Variants in ZEB1 observed in about 807,000 individuals in gnomAD.
ZEB1 encodes zinc finger E-box binding homeobox 1.
Under a neutral mutation model 84.9 loss-of-function variants are expected in ZEB1, and 21 were observed. That is an observed-to-expected ratio of 0.25 (90% confidence interval 0.18 to 0.36). The LOEUF is 0.36. Among genes scored for constraint, ZEB1 ranks in the 10% least tolerant of loss-of-function variants. The pLI is 1.00. For missense variants in ZEB1, 1,104 were observed against 1,330.2 expected, an observed-to-expected ratio of 0.83 and a Z score of 2.65; for synonymous variants, 420 against 471.1, an observed-to-expected ratio of 0.89 and a Z score of 1.41.
intron 2 of ZEB1, among the ~76,000 whole-genome samples, chr10:31,469,386 A>T (rs2062871940): frequency 6.6e-6 from 1 of 152,204 alleles, no homozygotes; most frequent in Non-Finnish European, 1.5e-5. Flanking sequence ...AGGGTGAGGC[A>T]TTGCCTCACT....
At position 31,319,365 on chromosome 10, in the gene ZEB1, G is replaced by A. The variant is rs966890759; in HGVS notation, c.58+73G>A. On this transcript the variant is annotated intron_variant, in intron 1 of 8. Coordinates refer to ENST00000424869, the MANE Select transcript of ZEB1 (RefSeq NM_001174096.2). ...GCAGCCGGGGCGCCCCCGGGGGTGAGGGGGGCGAGCCGGGCTGGGGGCAGC... is the reference window on the plus strand; with the variant it reads ...GCAGCCGGGGCGCCCCCGGGGGTGAAGGGGGCGAGCCGGGCTGGGGGCAGC... 16 of 1,501,960 alleles carry A rather than the reference G, an allele frequency of 1.1e-5. No individual in the cohort carries two copies. The Admixed American group carries it at 2.9e-4, about 27-fold the overall frequency. The allele number at this position is 1,501,960 out of a possible 1,614,324, so 93.0% of individuals were successfully genotyped here. A position where few individuals can be genotyped will look rare whatever the true frequency, so the allele number is the denominator to read the frequency against.
At chr10:31,429,196 T>C (rs2057365884) in intron 1 of ZEB1, among the ~76,000 whole-genome samples, 1 of 152,228 alleles carries the variant, frequency 6.6e-6, no homozygotes, top group South Asian at 2.1e-4. Flanking sequence ...TTGTAGGATC[T>C]GGTAACGGTC....
intron 2 of ZEB1, among the ~76,000 whole-genome samples, chr10:31,465,997 A>G (rs1233142294): frequency 6.6e-6 from 1 of 152,212 alleles, no homozygotes; most frequent in East Asian, 1.9e-4. Context: ...ACACCAGGCA[A>G]AATAAATTTT....
chr10:31,415,534 T>TA (rs144790727), intron 1 of ZEB1, among the ~76,000 whole-genome samples: 10 of 151,744 alleles, frequency 6.6e-5, no homozygotes, highest in African/African-American at 1.7e-4. Flanking sequence ...AATTATAATT[T>TA]AAAAAAAAAT....
intron 1 of ZEB1, among the ~76,000 whole-genome samples, chr10:31,323,280 C>A (rs998887562): frequency 2.6e-5 from 4 of 151,452 alleles, no homozygotes; most frequent in African/African-American, 7.3e-5. Context: ...TAGTAAGATC[C>A]CTTAAAATAT....
At chr10:31,437,458 G>A (rs1047972941) in intron 1 of ZEB1, among the ~76,000 whole-genome samples, 32 of 152,094 alleles carry the variant, frequency 2.1e-4, no homozygotes, top group African/African-American at 7.5e-4. Context: ...CCTATAAATT[G>A]TTTGTTTTTA....
At chr10:31,319,191 G>T (rs771853211), upstream of ZEB1, 5 of 1,515,734 alleles carry the variant, frequency 3.3e-6, no homozygotes, top group East Asian at 2.3e-5. Context: ...GGGGGAGGGA[G>T]GGGGAGGAGG....
chr10:31,319,363 GA>G, intron 1 of ZEB1, 71 bp downstream of exon 1: 2 of 1,501,660 alleles, frequency 1.3e-6, no homozygotes, highest in Admixed American at 1.9e-5. Context: ...CCCCGGGGGT[GA>G]GGGGGGCGAG....
chr10:31,442,572 A>T (rs1044670763), intron 1 of ZEB1, among the ~76,000 whole-genome samples: 85 of 150,104 alleles, frequency 5.7e-4, no homozygotes, highest in Non-Finnish European at 1.0e-3. Context: ...AATAATAAAA[A>T]AAAAAGAAAT....
chr10:31,428,455 C>T (rs958821020), intron 1 of ZEB1, among the ~76,000 whole-genome samples: 1 of 152,148 alleles, frequency 6.6e-6, no homozygotes, highest in South Asian at 2.1e-4. Flanking sequence ...TTTACAGTTG[C>T]TGAGGAGGGT....
intron 1 of ZEB1, chr10:31,322,229 G>A (rs1365213024): frequency 6.6e-6 from 1 of 152,376 alleles, no homozygotes; most frequent in African/African-American, 2.4e-5. Flanking sequence ...ATATTCCATT[G>A]TGTTGTGAAA....
chr10:31,433,608 T>A (rs2057974377), intron 1 of ZEB1, among the ~76,000 whole-genome samples: 1 of 152,248 alleles, frequency 6.6e-6, no homozygotes, highest in South Asian at 2.1e-4. Flanking sequence ...TATACTTTGA[T>A]GTCCAGCAGA....
At chr10:31,424,710 A>G (rs1319207609) in intron 1 of ZEB1, among the ~76,000 whole-genome samples, 1 of 151,986 alleles carries the variant, frequency 6.6e-6, no homozygotes, top group Admixed American at 6.5e-5. Context: ...GTGTTAGAAC[A>G]TTTATGCTGC....
chr10:31,436,887 T>A (rs2136378185), intron 1 of ZEB1, among the ~76,000 whole-genome samples: 1 of 152,330 alleles, frequency 6.6e-6, no homozygotes, highest in East Asian at 1.9e-4. Context: ...AAAGCCCACT[T>A]ATTCTCCAAA....
chr10:31,327,099 CTTTTTTT>C (rs71527629), intron 1 of ZEB1, among the ~76,000 whole-genome samples: 17 of 84,934 alleles, frequency 2.0e-4, no homozygotes, highest in African/African-American at 6.2e-4. Flanking sequence ...CTTTTCTTTT[CTTTTTTT>C]TTTTTTTTTT....
At chr10:31,395,795 A>G (rs2050608952) in intron 1 of ZEB1, among the ~76,000 whole-genome samples, 1 of 152,206 alleles carries the variant, frequency 6.6e-6, no homozygotes, top group Non-Finnish European at 1.5e-5. Context: ...AAGATAACTA[A>G]TAATTCTAGC....
intron 1 of ZEB1, among the ~76,000 whole-genome samples, chr10:31,337,131 G>C (rs543621611): frequency 6.6e-6 from 1 of 152,254 alleles, no homozygotes; most frequent in African/African-American, 2.4e-5. Flanking sequence ...AATTACACCT[G>C]TGCTTAACAA....
chr10:31,422,848 C>T (rs914423336), intron 1 of ZEB1, among the ~76,000 whole-genome samples: 1 of 151,922 alleles, frequency 6.6e-6, no homozygotes, highest in African/African-American at 2.4e-5. Flanking sequence ...TGGTTGTCCC[C>T]AGTGTCTGTT....
intron 1 of ZEB1, among the ~76,000 whole-genome samples, chr10:31,408,307 T>G (rs1024254388): frequency 1.1e-4 from 16 of 150,726 alleles, no homozygotes; most frequent in Middle Eastern, 6.8e-3. Flanking sequence ...ATCGTGAAAA[T>G]GGCCATACTG....
Sources: allele counts gnomAD v4.1 joint callset (sites outside exome capture counted in the v4.1 genomes callset), GRCh38; gene constraint gnomAD v4.1.1; transcripts MANE v1.5; gene names NCBI Gene and HGNC (gene_info 2026-07-23, HGNC 2026-07-21).